Variants in IGF2BP3 observed in about 807,000 individuals in gnomAD.
The protein encoded by IGF2BP3 is insulin like growth factor 2 mRNA binding protein 3.
Under a neutral mutation model 73.8 loss-of-function variants are expected in IGF2BP3, and 9 were observed. The ratio of observed to expected loss-of-function variants is 0.12; its 90% CI spans 0.07 to 0.21. The LOEUF is 0.21. Among genes scored for constraint, IGF2BP3 ranks in the 10% least tolerant of loss-of-function variants. The pLI, the probability that IGF2BP3 is intolerant of heterozygous loss-of-function variation, is 1.00. For synonymous variants in IGF2BP3, 258 were observed against 256.7 expected, an observed-to-expected ratio of 1.01 and a Z score of -0.05; for missense variants, 542 against 714.0, an observed-to-expected ratio of 0.76 and a Z score of 2.75.
Position 23,343,708 on chromosome 7 carries a change from C to G in IGF2BP3, c.1077+10G>C. 6.2e-7 allele frequency: 1 copy of G among 1,607,210 alleles called. No individual in the cohort carries two copies. The highest frequency in any genetic ancestry group is 1.1e-5 in the South Asian group (1 of 90,838). On this transcript the variant is annotated intron_variant, in intron 9 of 14. Coordinates refer to ENST00000258729, the MANE Select transcript of IGF2BP3 (RefSeq NM_006547.3). ...TAAAATAAAGACATGCCCTTCATAA[C>G]AAAACTAACATTCATAGAAGCAATA...
chr7:23,400,491 C>A (rs1173483500), intron 3 of IGF2BP3, among the ~76,000 whole-genome samples: 1 of 152,098 alleles, frequency 6.6e-6, no homozygotes, highest in Non-Finnish European at 1.5e-5. Context: ...GTCTGCCACA[C>A]CAACATTACA....
intron 5 of IGF2BP3, 40 bp downstream of exon 5, chr7:23,361,494 T>C (rs772458843): frequency 2.0e-6 from 3 of 1,521,002 alleles, no homozygotes; most frequent in Non-Finnish European, 2.7e-6. Flanking sequence ...TGTACTTAAC[T>C]TAGTTATTAT....
chr7:23,343,134 G>A (rs1481028672), intron 9 of IGF2BP3, among the ~76,000 whole-genome samples: 1 of 152,176 alleles, frequency 6.6e-6, no homozygotes, highest in African/African-American at 2.4e-5. Context: ...AGCCTCAGAT[G>A]CACTACACAG....
intron 3 of IGF2BP3, among the ~76,000 whole-genome samples, chr7:23,389,828 T>TA (rs748999337): frequency 0.1 from 10,839 of 108,294 alleles, 1,387 homozygotes; most frequent in African/African-American, 0.31. Context: ...ATCCCTTCTG[T>TA]AAAAAAAAAA....
chr7:23,376,004 A>G (rs937446666), intron 3 of IGF2BP3, among the ~76,000 whole-genome samples: 3 of 152,250 alleles, frequency 2.0e-5, no homozygotes, highest in African/African-American at 4.8e-5. Flanking sequence ...TAGCATGAGC[A>G]GTTCTCAACA....
chr7:23,415,568 G>C (rs1051018646), intron 3 of IGF2BP3: 8 of 265,520 alleles, frequency 3.0e-5, no homozygotes, highest in Non-Finnish European at 5.2e-5. Context: ...GTCCCTGTCT[G>C]TCAGCCGGCG....
chr7:23,456,409 G>A (rs1311757123), intron 2 of IGF2BP3, among the ~76,000 whole-genome samples: 1 of 152,140 alleles, frequency 6.6e-6, no homozygotes, highest in African/African-American at 2.4e-5. Flanking sequence ...CTCAAAATGT[G>A]GACCTTCTTG....
intron 2 of IGF2BP3, 76 bp downstream of exon 2, chr7:23,468,406 A>C: frequency 6.8e-7 from 1 of 1,467,840 alleles, no homozygotes; most frequent in Non-Finnish European, 9.6e-7. Flanking sequence ...CCAGAGGACA[A>C]GAAGTTCTCA....
At chr7:23,419,251 G>A (rs1223874039) in intron 2 of IGF2BP3, among the ~76,000 whole-genome samples, 1 of 152,148 alleles carries the variant, frequency 6.6e-6, no homozygotes. Context: ...GTGGGTGGCA[G>A]GAAATTACAC....
chr7:23,457,807 A>G (rs1262143815), intron 2 of IGF2BP3, among the ~76,000 whole-genome samples: 1 of 152,194 alleles, frequency 6.6e-6, no homozygotes, highest in Non-Finnish European at 1.5e-5. Flanking sequence ...CATTTTCCAC[A>G]TTTTATGTAT....
intron 2 of IGF2BP3, among the ~76,000 whole-genome samples, chr7:23,464,227 T>C (rs1235772240): frequency 1.3e-5 from 2 of 152,236 alleles, no homozygotes; most frequent in African/African-American, 4.8e-5. Context: ...AGCTTTTAAA[T>C]AGCCACTTAA....
At chr7:23,431,638 G>C (rs1202530617) in intron 2 of IGF2BP3, among the ~76,000 whole-genome samples, 1 of 150,896 alleles carries the variant, frequency 6.6e-6, no homozygotes, top group Non-Finnish European at 1.5e-5. Context: ...GAAGGAAGGG[G>C]GAAAAAAAAA....
chr7:23,468,782 G>A (rs1584078155), intron 1 of IGF2BP3, among the ~76,000 whole-genome samples: 1 of 152,174 alleles, frequency 6.6e-6, no homozygotes, highest in Non-Finnish European at 1.5e-5. Context: ...TATCAGTCCA[G>A]TCTCCAAGCC....
intron 2 of IGF2BP3, among the ~76,000 whole-genome samples, chr7:23,425,245 C>A (rs1194219437): frequency 1.3e-5 from 2 of 152,014 alleles, no homozygotes; most frequent in African/African-American, 4.8e-5. Flanking sequence ...CAAGAGTTTC[C>A]CCTCACTGTT....
chr7:23,363,218 T>C (rs1402610474), intron 3 of IGF2BP3, among the ~76,000 whole-genome samples: 1 of 152,244 alleles, frequency 6.6e-6, no homozygotes, highest in Non-Finnish European at 1.5e-5. Flanking sequence ...GTTTCCAGTT[T>C]GAAACATATA....
At chr7:23,355,348 A>G (rs2128506183) in intron 5 of IGF2BP3, among the ~76,000 whole-genome samples, 1 of 151,762 alleles carries the variant, frequency 6.6e-6, no homozygotes, top group Non-Finnish European at 1.5e-5. Flanking sequence ...CCTCCTCCCA[A>G]GTAGCTGGGA....
chr7:23,354,348 C>T (rs1263110429), intron 5 of IGF2BP3, among the ~76,000 whole-genome samples: 3 of 152,190 alleles, frequency 2.0e-5, no homozygotes, highest in Non-Finnish European at 4.4e-5. Context: ...TTCAAAAAAT[C>T]AGGAAACTTG....
intron 2 of IGF2BP3, among the ~76,000 whole-genome samples, chr7:23,444,969 G>A (rs1788026070): frequency 6.6e-6 from 1 of 151,950 alleles, no homozygotes; most frequent in Non-Finnish European, 1.5e-5. Flanking sequence ...AAGGTGGAAG[G>A]ATTACTTCCA....
At chr7:23,382,618 A>G (rs1399536381) in intron 3 of IGF2BP3, among the ~76,000 whole-genome samples, 2 of 152,036 alleles carry the variant, frequency 1.3e-5, no homozygotes, top group Non-Finnish European at 2.9e-5. Context: ...CTATCCTCCT[A>G]CCATTAATTT....
Sources: gnomAD v4.1 joint callset for allele counts (sites outside exome capture counted in the v4.1 genomes callset) on GRCh38, gnomAD v4.1.1 for gene constraint, MANE v1.5 for transcripts, NCBI Gene and HGNC (gene_info 2026-07-23, HGNC 2026-07-21) for gene names.